Variants in UGT1A8 observed in about 807,000 individuals in gnomAD.
UGT1A8 encodes the protein UDP-glucuronosyltransferase 1A8.
Under a neutral mutation model 45.3 loss-of-function variants are expected in UGT1A8, and 39 were observed. The ratio of observed to expected loss-of-function variants is 0.86; its 90% CI spans 0.67 to 1.12. The LOEUF is 1.12. Among genes scored for constraint, UGT1A8 ranks in the 50% most tolerant of loss-of-function variants. UGT1A8 has a pLI of 0.00. For missense variants in UGT1A8, 719 were observed against 664.9 expected, an observed-to-expected ratio of 1.08 and a Z score of -0.90; for synonymous variants, 275 against 249.2, an observed-to-expected ratio of 1.10 and a Z score of -0.97.
At position 233,682,282 on chromosome 2, in the gene UGT1A8, T is replaced by C. The variant is rs749237049; in HGVS notation, c.855+63720T>C. The C allele has an allele frequency of 3.1e-6, 5 of 1,614,194 alleles. No homozygotes were observed. The Admixed American group carries it at 5.0e-5, about 16-fold the overall frequency. ...CTCTATTAACAAGTTCATCCAATGG[T>C]ATTTTTGACTTATTTTTTTCAAATT... is the stretch of plus-strand genomic sequence containing the variant. On this transcript the variant is annotated intron_variant, in intron 1 of 4. Transcript: ENST00000373450.
chr2:233,639,348 A>G (rs1183358331), intron 1 of UGT1A8, among the ~76,000 whole-genome samples: 1 of 152,212 alleles, frequency 6.6e-6, no homozygotes, highest in Non-Finnish European at 1.5e-5. Context: ...CTCACAGAGG[A>G]ATTCGATCTC....
intron 1 of UGT1A8, among the ~76,000 whole-genome samples, chr2:233,667,797 G>A (rs1307747229): frequency 6.6e-6 from 1 of 152,150 alleles, no homozygotes; most frequent in African/African-American, 2.4e-5. Flanking sequence ...ATCATCACTG[G>A]CCATCTGAGA....
At chr2:233,765,419 T>G (rs970448073) in intron 1 of UGT1A8, among the ~76,000 whole-genome samples, 3 of 152,166 alleles carry the variant, frequency 2.0e-5, no homozygotes, top group Non-Finnish European at 4.4e-5. Context: ...TGGAATACTA[T>G]GCAGCCATAA....
intron 1 of UGT1A8, among the ~76,000 whole-genome samples, chr2:233,626,026 G>T (rs748169552): frequency 5.9e-5 from 9 of 152,076 alleles, no homozygotes; most frequent in Non-Finnish European, 1.0e-4. Flanking sequence ...AGGAGTAGAT[G>T]TTGGTCTTAC....
chr2:233,769,797 A>G lies in UGT1A8; in HGVS notation c.1295+1358A>G. The G allele has an allele frequency of 1.7e-6, 2 of 1,194,568 alleles. No individual in the cohort carries two copies. Among genetic ancestry groups the G allele is most frequent in the Non-Finnish European group, 2.2e-6 (2 of 895,402 alleles). The allele number at this position is 1,194,568 out of a possible 1,614,324, so 74.0% of individuals were successfully genotyped here. A position where few individuals can be genotyped will look rare whatever the true frequency, so the allele number is the denominator to read the frequency against. ...TTGAGCCCAGAAGTTGGAGGCTGCT[A>G]TGAGCCGTGATCATGCCACTGCACT... On this transcript the variant is annotated intron_variant, in intron 4 of 4. Transcript: ENST00000373450. This position sits in a 1 kb window ranked among gnomAD's most constrained non-coding sequence, Gnocchi z 4.4.
At chr2:233,724,263 A>G (rs1575551181) in intron 1 of UGT1A8, among the ~76,000 whole-genome samples, 11 of 125,726 alleles carry the variant, frequency 8.7e-5, no homozygotes, top group Admixed American at 7.6e-4. Context: ...CACCTCCCGG[A>G]CGGGGCGGCT....
At chr2:233,762,598 T>C (rs903275038) in intron 1 of UGT1A8, among the ~76,000 whole-genome samples, 9 of 152,226 alleles carry the variant, frequency 5.9e-5, no homozygotes, top group Admixed American at 2.6e-4. Context: ...CAATTTGTAT[T>C]CCAGGAGTTT....
chr2:233,752,059 C>T lies in UGT1A8; in HGVS notation c.856-14975C>T, dbSNP rs190441645. ...GTAAGCTGTTGTGTGAATGATTTCC[C>T]GAGATGGGGAAGTCTCTCTACCTGT... On this transcript the variant is annotated intron_variant, in intron 1 of 4. Transcript: ENST00000373450. 8.5e-5 allele frequency among the ~76,000 whole-genome samples: 13 copies of T among 152,200 alleles called. No homozygotes were observed. In the East Asian group the frequency reaches 9.6e-4, roughly 11 times the overall value.
At chr2:233,746,037 G>A (rs1056217183) in intron 1 of UGT1A8, among the ~76,000 whole-genome samples, 1 of 151,708 alleles carries the variant, frequency 6.6e-6, no homozygotes, top group African/African-American at 2.4e-5. Context: ...CTTACTTGCT[G>A]GCTTGGATGC....
At chr2:233,673,430 C>T (rs1163384420) in intron 1 of UGT1A8, among the ~76,000 whole-genome samples, 1 of 152,006 alleles carries the variant, frequency 6.6e-6, no homozygotes, top group Non-Finnish European at 1.5e-5. Context: ...TGAATAGGGC[C>T]GTGTAAACAC....
At chr2:233,743,412 T>G in intron 1 of UGT1A8, 4 of 1,321,888 alleles carry the variant, frequency 3.0e-6, no homozygotes, top group Non-Finnish European at 3.0e-6. Flanking sequence ...GGCCCCCACT[T>G]CCCAGGGAGC....
intron 1 of UGT1A8, among the ~76,000 whole-genome samples, chr2:233,710,923 AGTCTTTGTTTAG>A (rs905733031): frequency 6.6e-6 from 1 of 152,240 alleles, no homozygotes; most frequent in African/African-American, 2.4e-5. Flanking sequence ...TAGACCACTT[AGTCTTTGTTTAG>A]GTCTTTGTTT....
In UGT1A8 at chr2:233,682,199, C is replaced by T. The variant is rs151080578; in HGVS notation, c.855+63637C>T. On this transcript the variant is annotated intron_variant, in intron 1 of 4. Transcript: ENST00000373450. ...CTCATACACTCTGGAGGATCAGGACCGGGAGTTCATGGTTTTTGCCGATGC... is the reference window on the plus strand; with the variant it reads ...CTCATACACTCTGGAGGATCAGGACTGGGAGTTCATGGTTTTTGCCGATGC... 6.8e-5 allele frequency: 109 copies of T among 1,614,150 alleles called. No individual in the cohort carries two copies. In the African/African-American group the frequency reaches 1.3e-3, roughly 19 times the overall value.
chr2:233,762,094 T>A (rs1389988044), intron 1 of UGT1A8, among the ~76,000 whole-genome samples: 1 of 152,214 alleles, frequency 6.6e-6, no homozygotes, highest in African/African-American at 2.4e-5. Context: ...CTTAGATAGT[T>A]GTTGATTGTC....
At position 233,717,544 on chromosome 2, in the gene UGT1A8, C is replaced by A. The variant is rs1401420661; in HGVS notation, c.856-49490C>A. Among the ~76,000 whole-genome samples, 6 of 152,334 alleles carry A rather than the reference C, an allele frequency of 3.9e-5. No individual in the cohort carries two copies. The East Asian group carries it at 1.2e-3, about 29-fold the overall frequency. On this transcript the variant is annotated intron_variant, in intron 1 of 4. Transcript: ENST00000373450. The stretch of plus-strand genomic sequence containing the variant: ...TCCTCCATAAGGGAAGCCTCAGCCT[C>A]ACCAGCAATGGCAGACATGGCCAGG...
intron 1 of UGT1A8, chr2:233,636,394 T>TG: frequency 1.2e-6 from 1 of 862,224 alleles, no homozygotes; most frequent in Non-Finnish European, 1.5e-6. Flanking sequence ...GTGAGTGTGA[T>TG]TTTTTTTTTT....
At chr2:233,741,063 A>T (rs1349514104) in intron 1 of UGT1A8, among the ~76,000 whole-genome samples, 1 of 151,878 alleles carries the variant, frequency 6.6e-6, no homozygotes, top group Non-Finnish European at 1.5e-5. Flanking sequence ...ACAGCTACAG[A>T]GCGAGACCCT....
At chr2:233,703,469 A>G (rs371655525) in intron 1 of UGT1A8, among the ~76,000 whole-genome samples, 4 of 150,764 alleles carry the variant, frequency 2.7e-5, no homozygotes, top group African/African-American at 4.9e-5. Flanking sequence ...ATTCTTTATT[A>G]TTTTCTGCCT....
At chr2:233,669,956 A>G (rs1284089141) in intron 1 of UGT1A8, among the ~76,000 whole-genome samples, 1 of 152,144 alleles carries the variant, frequency 6.6e-6, no homozygotes, top group Admixed American at 6.5e-5. Flanking sequence ...AAGTGCTGGG[A>G]CTACAGGTGT....
Sources: gnomAD v4.1 joint callset for allele counts (sites outside exome capture counted in the v4.1 genomes callset) on GRCh38, gnomAD v4.1.1 for gene constraint, Gnocchi (gnomAD v3.1) non-coding constraint, MANE v1.5 for transcripts, NCBI Gene and HGNC (gene_info 2026-07-23, HGNC 2026-07-21) for gene names.